The following CFAP95 variants were observed in gnomAD, a reference collection of about 807,000 sequenced individuals.
The protein encoded by CFAP95 is cilia- and flagella-associated protein 95.
chr9:69,843,562 T>C, the CFAP95 span, among the ~76,000 whole-genome samples: 593 of 10,266 alleles, frequency 0.058, 58 homozygotes, highest in South Asian at 0.11. Context: ...CTCCTCCTTC[T>C]TCTTCTTCTT....
At chr9:69,821,124 G>T in the CFAP95 span, 1 of 1,452,662 alleles carries the variant, frequency 6.9e-7, no homozygotes, top group Admixed American at 2.0e-5. Flanking sequence ...GTCAGAGAGA[G>T]GGGACAGGAG....
chr9:69,874,350 C>A, the CFAP95 span, among the ~76,000 whole-genome samples: 1 of 152,160 alleles, frequency 6.6e-6, no homozygotes, highest in Non-Finnish European at 1.5e-5. Flanking sequence ...GCCAAACAAT[C>A]ATCAGAATGT....
chr9:69,832,570 T>C, the CFAP95 span, among the ~76,000 whole-genome samples: 3 of 149,644 alleles, frequency 2.0e-5, no homozygotes, highest in East Asian at 6.0e-4. Flanking sequence ...GAATAACTCT[T>C]AGCTCTGTGA....
the CFAP95 span, among the ~76,000 whole-genome samples, chr9:69,838,407 T>C: frequency 5.9e-5 from 9 of 151,288 alleles, no homozygotes; most frequent in Non-Finnish European, 1.0e-4. Context: ...TTTTATTTCC[T>C]TGAGCAGTGG....
the CFAP95 span, among the ~76,000 whole-genome samples, chr9:69,894,015 A>C: frequency 1.3e-5 from 2 of 152,128 alleles, no homozygotes; most frequent in South Asian, 4.1e-4. Context: ...GGGTCTTATA[A>C]TCCCTGCCAG....
chr9:69,893,194 T>C, the CFAP95 span, among the ~76,000 whole-genome samples: 1 of 152,188 alleles, frequency 6.6e-6, no homozygotes, highest in Non-Finnish European at 1.5e-5. Flanking sequence ...CTCCTGCTGG[T>C]CACCCAGAAG....
the CFAP95 span, among the ~76,000 whole-genome samples, chr9:69,868,204 C>T: frequency 6.6e-6 from 1 of 152,096 alleles, no homozygotes; most frequent in Non-Finnish European, 1.5e-5. Flanking sequence ...AGTGCAAGAC[C>T]TGAAACCATA....
the CFAP95 span, among the ~76,000 whole-genome samples, chr9:69,892,237 A>C: frequency 1.3e-5 from 2 of 152,108 alleles, no homozygotes; most frequent in Non-Finnish European, 2.9e-5. Context: ...GGGCCCCTAA[A>C]AGTATTGTGA....
the CFAP95 span, among the ~76,000 whole-genome samples, chr9:69,836,686 T>G: frequency 9.7e-6 from 1 of 102,948 alleles, no homozygotes; most frequent in African/African-American, 3.3e-5. Flanking sequence ...TTGGCTTCAA[T>G]TTCTTTTTTT....
At chr9:69,844,205 C>T in the CFAP95 span, among the ~76,000 whole-genome samples, 3 of 152,156 alleles carry the variant, frequency 2.0e-5, no homozygotes, top group African/African-American at 7.2e-5. Context: ...TATTTTAGAA[C>T]TTACTGTTGG....
At chr9:69,835,205 A>G in the CFAP95 span, among the ~76,000 whole-genome samples, 1 of 152,242 alleles carries the variant, frequency 6.6e-6, no homozygotes, top group South Asian at 2.1e-4. Context: ...ATGGTTGTGA[A>G]CTACATTAAT....
chr9:69,843,506 CCT>C, the CFAP95 span, among the ~76,000 whole-genome samples: 83 of 1,940 alleles, frequency 0.043, 3 homozygotes, highest in Non-Finnish European at 0.049. Flanking sequence ...CTCCTCCCCC[CCT>C]CCTCCTCCTC....
the CFAP95 span, among the ~76,000 whole-genome samples, chr9:69,877,326 T>A: frequency 6.6e-6 from 1 of 152,198 alleles, no homozygotes; most frequent in Non-Finnish European, 1.5e-5. Context: ...TAGAGTCATA[T>A]GACTATTAGG....
At chr9:69,887,454 A>G in the CFAP95 span, among the ~76,000 whole-genome samples, 1 of 152,250 alleles carries the variant, frequency 6.6e-6, no homozygotes, top group Non-Finnish European at 1.5e-5. Context: ...TTCCAATAGT[A>G]TAATTATCTA....
chr9:69,820,874 G>A, the CFAP95 span: 77 of 1,613,746 alleles, frequency 4.8e-5, no homozygotes, highest in Non-Finnish European at 6.2e-5. Flanking sequence ...TACCTCGAGG[G>A]CTCCCATGGA....
the CFAP95 span, among the ~76,000 whole-genome samples, chr9:69,894,314 C>G: frequency 3.3e-5 from 5 of 152,112 alleles, no homozygotes; most frequent in African/African-American, 1.2e-4. Flanking sequence ...TCATATAACT[C>G]CATAGAACTT....
At chr9:69,883,847 C>T in the CFAP95 span, among the ~76,000 whole-genome samples, 1 of 150,142 alleles carries the variant, frequency 6.7e-6, no homozygotes, top group East Asian at 2.0e-4. Context: ...AAAAAAAAAT[C>T]ATTCTTTTGT....
chr9:69,885,643 A>G, the CFAP95 span, among the ~76,000 whole-genome samples: 2 of 152,102 alleles, frequency 1.3e-5, no homozygotes, highest in Non-Finnish European at 2.9e-5. Flanking sequence ...ATGAGTGTGG[A>G]TGTATTTCAT....
the CFAP95 span, among the ~76,000 whole-genome samples, chr9:69,892,835 A>G: frequency 6.6e-6 from 1 of 152,176 alleles, no homozygotes; most frequent in East Asian, 1.9e-4. Flanking sequence ...TCAGCCAGGG[A>G]CAGCCGAACT....
Sources: gnomAD v4.1 joint callset for allele counts (sites outside exome capture counted in the v4.1 genomes callset) on GRCh38, gnomAD v4.1.1 for gene constraint, MANE v1.5 for transcripts, NCBI Gene and HGNC (gene_info 2026-07-23, HGNC 2026-07-21) for gene names.